Variants in ETS2 observed in about 807,000 individuals in gnomAD.
The protein encoded by ETS2 is protein C-ets-2.
In ETS2, 19 loss-of-function variants were observed where a neutral mutation model predicts 54.9. The observed-to-expected ratio is 0.35, with a 90% CI of 0.24 to 0.51. ETS2 has a LOEUF of 0.51. Ranked by LOEUF, ETS2 falls within the 20% of genes least tolerant of loss-of-function variation. ETS2 has a pLI of 0.97. For missense variants in ETS2, 417 were observed against 593.0 expected (o/e 0.70, Z 3.08); for synonymous variants, 219 against 229.3 (o/e 0.95, Z 0.41).
chr21:38,813,122 G>A lies in ETS2; in HGVS notation c.184+8G>A, dbSNP rs1315660569. On this transcript the variant is annotated splice_region_variant and intron_variant, in intron 3 of 9. Coordinates refer to ENST00000360938, the MANE Select transcript of ETS2 (RefSeq NM_005239.6). ...TGGATTCCATTTCTCATGGTAATTGGTTCCTCAGACTTGACAAATTGTGCA... is the reference window on the plus strand; with the variant it reads ...TGGATTCCATTTCTCATGGTAATTGATTCCTCAGACTTGACAAATTGTGCA... 2 of 1,559,714 alleles carry A rather than the reference G, an allele frequency of 1.3e-6. No individual in the cohort carries two copies. The highest frequency in any genetic ancestry group is 1.8e-6 in the Non-Finnish European group (2 of 1,130,172).
intron 8 of ETS2, among the ~76,000 whole-genome samples, chr21:38,820,986 T>A (rs2060955708): frequency 1.3e-5 from 2 of 152,110 alleles, no homozygotes; most frequent in South Asian, 2.1e-4. Context: ...CGAGGACAGG[T>A]GGACGAGAAG....
chr21:38,822,601 A>T, intron 9 of ETS2, 73 bp from the exon 10 acceptor site: 1 of 1,304,374 alleles, frequency 7.7e-7, no homozygotes, highest in Non-Finnish European at 1.1e-6. Flanking sequence ...AATCATAATC[A>T]GGGAGGAATG....
chr21:38,805,548 C>G (rs968507989), upstream of ETS2: 25 of 1,285,276 alleles, frequency 1.9e-5, no homozygotes, highest in Non-Finnish European at 2.5e-5. This position sits in a 1 kb window ranked among gnomAD's most constrained non-coding sequence, Gnocchi z 5.2. Context: ...GGGCCGAGGC[C>G]CTGCTCCCGG....
At position 38,821,793 on chromosome 21, in the gene ETS2, G is replaced by A; in HGVS notation, c.1194+89G>A. On this transcript the variant is annotated intron_variant, in intron 9 of 9. Coordinates refer to ENST00000360938, the MANE Select transcript of ETS2 (RefSeq NM_005239.6). The surrounding 1 kb of genome is among the most constrained non-coding windows in gnomAD (Gnocchi z 4.2). ...ACTCAGTTCTTTGGGCACAAAAAAG[G>A]GTTCACCAGTACTGCTGAGAATCTT... is the stretch of plus-strand genomic sequence containing the variant. The A allele has an allele frequency of 3.3e-6, 3 of 903,050 alleles. No homozygotes were observed. Among genetic ancestry groups the A allele is most frequent in the Non-Finnish European group, 5.5e-6 (3 of 547,412 alleles). 55.9% of individuals were successfully genotyped at this position (903,050 alleles called of 1,614,324 possible).
chr21:38,812,555 T>G (rs1010009916), intron 2 of ETS2, among the ~76,000 whole-genome samples: 1 of 151,854 alleles, frequency 6.6e-6, no homozygotes, highest in Non-Finnish European at 1.5e-5. Flanking sequence ...CCAAGGCGGG[T>G]GGATTACACG....
At chr21:38,822,500 TAGGTACTCAA>T (rs899063903) in intron 9 of ETS2, among the ~76,000 whole-genome samples, 164 bp from the exon 10 acceptor site, 1 of 152,060 alleles carries the variant, frequency 6.6e-6, no homozygotes, top group African/African-American at 2.4e-5. Context: ...GCCCCTACCA[TAGGTACTCAA>T]AGGTACTCAG....
intron 1 of ETS2, 127 bp from the exon 2 acceptor site, chr21:38,809,908 C>T (rs2060907298): frequency 6.5e-6 from 4 of 614,124 alleles, no homozygotes; most frequent in Non-Finnish European, 8.5e-6. Context: ...ACAAGAATTC[C>T]CTGCATTCAC....
At chr21:38,813,877 A>T (rs199669733) in intron 3 of ETS2, among the ~76,000 whole-genome samples, 1 of 152,334 alleles carries the variant, frequency 6.6e-6, no homozygotes, top group East Asian at 1.9e-4. Flanking sequence ...TATCACACTC[A>T]CTTCTCAGCT....
At position 38,814,118 on chromosome 21, in the gene ETS2, A is replaced by G. The variant is rs975019527; in HGVS notation, c.185-155A>G. 6.6e-6 allele frequency among the ~76,000 whole-genome samples: 1 copy of G among 152,212 alleles called. No homozygotes were observed. The highest frequency in any genetic ancestry group is 6.5e-5 in the Admixed American group (1 of 15,276). On this transcript the variant is annotated intron_variant, in intron 3 of 9. Transcript: ENST00000360938. The surrounding 1 kb of genome is among the most constrained non-coding windows in gnomAD (Gnocchi z 4.2). Reference sequence around the variant, plus strand: ...ATATATTTTCTCAATTATAGTCAGAAAAGTTTTTTGTTAATAGTTACACTG... The same window carrying G: ...ATATATTTTCTCAATTATAGTCAGAGAAGTTTTTTGTTAATAGTTACACTG...
chr21:38,806,638 C>G lies in ETS2; in HGVS notation c.-1+518C>G. 2.0e-6 allele frequency: 2 copies of G among 985,166 alleles called. No individual in the cohort carries two copies. Among genetic ancestry groups the G allele is most frequent in the Non-Finnish European group, 2.4e-6 (2 of 829,896 alleles). 61.0% of individuals were successfully genotyped at this position (985,166 alleles called of 1,614,324 possible). A position where few individuals can be genotyped will look rare whatever the true frequency, so the allele number is the denominator to read the frequency against. ...CCAAGACACCTGAAGGCTGCGGCAC[C>G]GCGGGAACCTGCGGGGCGCGGGGTG... is the stretch of plus-strand genomic sequence containing the variant. On this transcript the variant is annotated intron_variant, in intron 1 of 9. Transcript: ENST00000360938. This position sits in a 1 kb window ranked among gnomAD's most constrained non-coding sequence, Gnocchi z 4.3.
chr21:38,806,519 T>G lies in ETS2; in HGVS notation c.-1+399T>G. The G allele has an allele frequency of 1.0e-6, 1 of 984,758 alleles. No individual in the cohort carries two copies. The highest frequency in any genetic ancestry group is 1.2e-6 in the Non-Finnish European group (1 of 829,862). The allele number at this position is 984,758 out of a possible 1,614,324, so 61.0% of individuals were successfully genotyped here. On this transcript the variant is annotated intron_variant, in intron 1 of 9. Coordinates refer to ENST00000360938, the MANE Select transcript of ETS2 (RefSeq NM_005239.6). This position sits in a 1 kb window ranked among gnomAD's most constrained non-coding sequence, Gnocchi z 4.3. ...GCGAACATGATTTCGCGAACGGGAG[T>G]GGGGGCACAGGAGAGCGTGTCCGAG...
chr21:38,809,906 T>A (rs1350731629), intron 1 of ETS2, 129 bp from the exon 2 acceptor site: 14 of 611,348 alleles, frequency 2.3e-5, no homozygotes, highest in Non-Finnish European at 4.0e-5. Context: ...AAACAAGAAT[T>A]CCCTGCATTC....
At position 38,817,310 on chromosome 21, in the gene ETS2, T is replaced by C. The variant is rs376635475; in HGVS notation, c.589+219T>C. Among the ~76,000 whole-genome samples the C allele has an allele frequency of 6.6e-5, 10 of 152,368 alleles. No individual in the cohort carries two copies. The East Asian group carries it at 1.9e-3, about 29-fold the overall frequency. ...TGCACACCAGATTTGGAAGTCTTAG[T>C]ATGAAACAGAGAATATAAAATGTCT... On this transcript the variant is annotated intron_variant, in intron 6 of 9. Coordinates refer to ENST00000360938, the MANE Select transcript of ETS2 (RefSeq NM_005239.6).
upstream of ETS2, chr21:38,805,546 G>GC (rs1258113879): frequency 7.8e-7 from 1 of 1,285,546 alleles, no homozygotes; most frequent in South Asian, 1.2e-5. The surrounding 1 kb of genome is among the most constrained non-coding windows in gnomAD (Gnocchi z 5.2). Flanking sequence ...TGGGGCCGAG[G>GC]CCCTGCTCCC....
chr21:38,817,327 A>C (rs1301982923), intron 6 of ETS2, among the ~76,000 whole-genome samples: 1 of 152,248 alleles, frequency 6.6e-6, no homozygotes, highest in African/African-American at 2.4e-5. Context: ...CAGAGAATAT[A>C]AAATGTCTCC....
Position 38,819,783 on chromosome 21 carries a change from G to A in ETS2, c.1075+17G>A, listed in dbSNP as rs372969588. 38 of 1,605,976 alleles carry A rather than the reference G, an allele frequency of 2.4e-5. No individual in the cohort carries two copies. Among genetic ancestry groups the A allele is most frequent in the African/African-American group, 1.7e-4 (13 of 74,796 alleles). On this transcript the variant is annotated intron_variant, in intron 8 of 9. Transcript: ENST00000360938. The stretch of plus-strand genomic sequence containing the variant: ...GCTTCACAGGTGTGTGTGGAACTCC[G>A]AGAGCCTGGCCGCCCAGTCTCCTGG...
chr21:38,806,534 G>C lies in ETS2; in HGVS notation c.-1+414G>C. 2.0e-6 allele frequency: 2 copies of C among 985,544 alleles called. No individual in the cohort carries two copies. The highest frequency in any genetic ancestry group is 2.4e-6 in the Non-Finnish European group (2 of 830,010). 61.0% of individuals were successfully genotyped at this position (985,544 alleles called of 1,614,324 possible). ...CGAACGGGAGTGGGGGCACAGGAGAGCGTGTCCGAGGTGGCCTGGCGCCCC... is the reference window on the plus strand; with the variant it reads ...CGAACGGGAGTGGGGGCACAGGAGACCGTGTCCGAGGTGGCCTGGCGCCCC... On this transcript the variant is annotated intron_variant, in intron 1 of 9. Coordinates refer to ENST00000360938, the MANE Select transcript of ETS2 (RefSeq NM_005239.6). The surrounding 1 kb of genome is among the most constrained non-coding windows in gnomAD (Gnocchi z 4.3).
At chr21:38,813,185 A>T in intron 3 of ETS2, 71 bp downstream of exon 3, 1 of 940,162 alleles carries the variant, frequency 1.1e-6, no homozygotes, top group Non-Finnish European at 1.8e-6. Context: ...AAGAGATGAC[A>T]GTTCCTAAGT....
chr21:38,812,908 A>T, intron 2 of ETS2, 95 bp from the exon 3 acceptor site: 1 of 797,522 alleles, frequency 1.3e-6, no homozygotes, highest in Non-Finnish European at 2.2e-6. Context: ...TTAATCAGGG[A>T]CTATTGGTAG....
Sources: allele counts gnomAD v4.1 joint callset (sites outside exome capture counted in the v4.1 genomes callset), GRCh38; gene constraint gnomAD v4.1.1; non-coding constraint Gnocchi (gnomAD v3.1); transcripts MANE v1.5; gene names NCBI Gene and HGNC (gene_info 2026-07-23, HGNC 2026-07-21).